Variants in RCAN2 observed in about 807,000 individuals in gnomAD.
The protein encoded by RCAN2 is calcipressin-2.
RCAN2 carries 9 observed loss-of-function variants against 23.6 expected under a neutral mutation model. The observed-to-expected ratio is 0.38, with a 90% confidence interval of 0.23 to 0.67. The LOEUF is 0.67. Among genes scored for constraint, RCAN2 ranks in the 30% least tolerant of loss-of-function variants. The pLI is 0.51. For synonymous variants in RCAN2, 109 were observed against 115.7 expected (o/e 0.94, Z 0.37); for missense variants, 273 against 302.3 (o/e 0.90, Z 0.72).
At chr6:46,475,072 AT>A (rs1768676536) in intron 1 of RCAN2, among the ~76,000 whole-genome samples, 1 of 151,954 alleles carries the variant, frequency 6.6e-6, no homozygotes, top group Non-Finnish European at 1.5e-5. Context: ...GAGTTTTTTT[AT>A]TTTTCTGTAT....
intron 2 of RCAN2, among the ~76,000 whole-genome samples, chr6:46,289,537 T>C (rs577722951): frequency 2.3e-4 from 35 of 152,334 alleles, no homozygotes; most frequent in African/African-American, 7.2e-4. Flanking sequence ...GTGGGCTGAA[T>C]ATGAGGACAA....
intron 2 of RCAN2, among the ~76,000 whole-genome samples, chr6:46,333,150 G>A (rs1764037609): frequency 6.6e-6 from 1 of 151,970 alleles, no homozygotes; most frequent in African/African-American, 2.4e-5. Flanking sequence ...ACTTTTTGAT[G>A]GGGTTGTTTT....
At chr6:46,286,141 T>G in intron 2 of RCAN2, among the ~76,000 whole-genome samples, 1 of 152,216 alleles carries the variant, frequency 6.6e-6, no homozygotes, top group East Asian at 1.9e-4. Context: ...AACTGTAACC[T>G]AACTGAATGT....
chr6:46,369,098 C>T (rs1765255145), intron 2 of RCAN2, among the ~76,000 whole-genome samples: 1 of 151,714 alleles, frequency 6.6e-6, no homozygotes, highest in African/African-American at 2.4e-5. Flanking sequence ...AAATTTTTAG[C>T]TAAAAACTAA....
intron 2 of RCAN2, among the ~76,000 whole-genome samples, chr6:46,249,775 G>T (rs746472808): frequency 1.3e-5 from 2 of 152,138 alleles, no homozygotes; most frequent in Admixed American, 1.3e-4. Flanking sequence ...TTTCTCTGAA[G>T]AGGCCATGTG....
chr6:46,305,846 T>G (rs761919529), intron 2 of RCAN2, among the ~76,000 whole-genome samples: 1 of 151,932 alleles, frequency 6.6e-6, no homozygotes, highest in Non-Finnish European at 1.5e-5. Context: ...ACTAAACAGT[T>G]GACTGTCCTG....
rs537255797 is a variant in RCAN2 at position 46,392,143 on chromosome 6, C to T, written c.225+64609G>A. Among the ~76,000 whole-genome samples, 141 of 152,234 alleles carry T rather than the reference C, an allele frequency of 9.3e-4. 2 individuals carry two copies. The highest frequency in any genetic ancestry group is 2.7e-3 in the African/African-American group (113 of 41,552). On this transcript the variant is annotated intron_variant, in intron 2 of 4. Coordinates refer to ENST00000371374, the MANE Select transcript of RCAN2 (RefSeq NM_001251974.2). ...TTTAAAAATGTACATGTAAGCCATGCTATTAAATTCAGAGAGGAAACAGAC... is the reference window on the plus strand; with the variant it reads ...TTTAAAAATGTACATGTAAGCCATGTTATTAAATTCAGAGAGGAAACAGAC...
At chr6:46,381,522 T>C (rs1765616566) in intron 2 of RCAN2, among the ~76,000 whole-genome samples, 1 of 152,186 alleles carries the variant, frequency 6.6e-6, no homozygotes, top group South Asian at 2.1e-4. Flanking sequence ...AAATATAAGC[T>C]GAGTTGTGTT....
intron 2 of RCAN2, among the ~76,000 whole-genome samples, chr6:46,433,196 G>A (rs1484223418): frequency 6.6e-6 from 1 of 152,152 alleles, no homozygotes. Flanking sequence ...GAGAAAAGAT[G>A]TTAGTCTACA....
chr6:46,390,689 G>T (rs993442544), intron 2 of RCAN2, among the ~76,000 whole-genome samples: 1 of 152,180 alleles, frequency 6.6e-6, no homozygotes, highest in Non-Finnish European at 1.5e-5. Context: ...AGACTGTAAA[G>T]GAATGTCATA....
intron 2 of RCAN2, among the ~76,000 whole-genome samples, chr6:46,250,816 C>T (rs1435678829): frequency 6.6e-6 from 1 of 152,196 alleles, no homozygotes; most frequent in African/African-American, 2.4e-5. Context: ...ACTTCTGAGG[C>T]TCCACAGGAG....
chr6:46,490,279 T>C (rs1769102927), intron 1 of RCAN2, among the ~76,000 whole-genome samples: 1 of 152,136 alleles, frequency 6.6e-6, no homozygotes, highest in Non-Finnish European at 1.5e-5. Flanking sequence ...GAATGCATAT[T>C]AAAGGAACCC....
intron 2 of RCAN2, among the ~76,000 whole-genome samples, chr6:46,453,609 C>T (rs1239495933): frequency 1.3e-5 from 2 of 152,106 alleles, no homozygotes; most frequent in East Asian, 3.8e-4. Flanking sequence ...CAGAAATAAA[C>T]AGATCCAGAT....
intron 1 of RCAN2, among the ~76,000 whole-genome samples, chr6:46,476,471 T>C (rs1768715619): frequency 6.6e-6 from 1 of 152,228 alleles, no homozygotes; most frequent in South Asian, 2.1e-4. Context: ...ACATGCAAGA[T>C]GCTTAGTCAT....
At chr6:46,335,408 C>T (rs766596601) in intron 2 of RCAN2, among the ~76,000 whole-genome samples, 12 of 152,166 alleles carry the variant, frequency 7.9e-5, no homozygotes, top group Admixed American at 2.6e-4. Context: ...CAACCCAATT[C>T]AGGTATTGTT....
At chr6:46,419,593 T>C (rs910817752) in intron 2 of RCAN2, among the ~76,000 whole-genome samples, 5 of 152,230 alleles carry the variant, frequency 3.3e-5, no homozygotes, top group African/African-American at 4.8e-5. Context: ...AAGCAGATTA[T>C]TTGTTTATTT....
At position 46,482,728 on chromosome 6, in the gene RCAN2, G is replaced by A. The variant is rs540063999; in HGVS notation, c.-3+8445C>T. ...TATCACACCTTGGCTTGAACTGTAA[G>A]CCAATAGCCAGGAGAGGTTGTGAGG... On this transcript the variant is annotated intron_variant, in intron 1 of 4. Transcript: ENST00000371374. 6.1e-4 allele frequency among the ~76,000 whole-genome samples: 93 copies of A among 152,244 alleles called. 1 individual carries two copies. The South Asian group carries it at 0.019, about 30-fold the overall frequency.
chr6:46,326,641 T>C (rs1017602558), intron 2 of RCAN2, among the ~76,000 whole-genome samples: 8 of 152,252 alleles, frequency 5.3e-5, no homozygotes, highest in Non-Finnish European at 1.2e-4. Flanking sequence ...TATTTTATCA[T>C]TAGTTATACA....
chr6:46,230,304 G>A (rs1397469267), intron 4 of RCAN2, among the ~76,000 whole-genome samples: 2 of 152,188 alleles, frequency 1.3e-5, no homozygotes, highest in East Asian at 3.9e-4. Context: ...CTTCAATGCT[G>A]TCAGACAGGG....
Sources: gnomAD v4.1 joint callset for allele counts (sites outside exome capture counted in the v4.1 genomes callset) on GRCh38, gnomAD v4.1.1 for gene constraint, MANE v1.5 for transcripts, NCBI Gene and HGNC (gene_info 2026-07-23, HGNC 2026-07-21) for gene names.